MARCHF6: variants seen among roughly 807,000 people sequenced by gnomAD.
The protein encoded by MARCHF6 is membrane associated ring-CH-type finger 6.
Under a neutral mutation model 133.7 loss-of-function variants are expected in MARCHF6, and 31 were observed. The observed-to-expected ratio is 0.23, with a 90% confidence interval of 0.17 to 0.31. The LOEUF is 0.31. Ranked by LOEUF, MARCHF6 falls within the 10% of genes least tolerant of loss-of-function variation. The pLI, the probability that MARCHF6 is intolerant of heterozygous loss-of-function variation, is 1.00. For synonymous variants in MARCHF6, 395 were observed against 402.5 expected (o/e 0.98, Z 0.22); for missense variants, 723 against 1,121.6 (o/e 0.64, Z 5.08).
intron 1 of MARCHF6, among the ~76,000 whole-genome samples, chr5:10,359,540 C>T (rs1735684602): frequency 6.6e-6 from 1 of 152,006 alleles, no homozygotes; most frequent in East Asian, 1.9e-4. Flanking sequence ...TTTGCTCCTT[C>T]TAAGCTACAC....
chr5:10,393,474 CAG>C (rs1237744939), intron 7 of MARCHF6, among the ~76,000 whole-genome samples: 4 of 152,260 alleles, frequency 2.6e-5, no homozygotes, highest in Admixed American at 6.5e-5. Flanking sequence ...GTAATGGTAA[CAG>C]GGGGCCTTTG....
intron 4 of MARCHF6, among the ~76,000 whole-genome samples, chr5:10,383,003 T>A (rs1246810112): frequency 6.6e-6 from 1 of 152,158 alleles, no homozygotes; most frequent in East Asian, 1.9e-4. Flanking sequence ...TGGAGAGAAG[T>A]ACATAGTATA....
chr5:10,377,735 G>A (rs1736878051), intron 1 of MARCHF6, 63 bp from the exon 2 acceptor site: 3 of 1,201,028 alleles, frequency 2.5e-6, no homozygotes, highest in Non-Finnish European at 3.7e-6. Flanking sequence ...GTTTATGCTT[G>A]TTTCTTGCTT....
At chr5:10,425,512 G>T (rs572411018) in intron 23 of MARCHF6, among the ~76,000 whole-genome samples, 81 of 152,358 alleles carry the variant, frequency 5.3e-4, no homozygotes, top group African/African-American at 1.8e-3. Flanking sequence ...GTTGGAAATG[G>T]TTGAGAAACA....
chr5:10,406,920 C>G (rs1261454478), intron 16 of MARCHF6, among the ~76,000 whole-genome samples, 182 bp from the exon 17 acceptor site: 2 of 152,142 alleles, frequency 1.3e-5, no homozygotes, highest in African/African-American at 4.8e-5. Context: ...GAGGGGCAGG[C>G]ATCTTAGGAA....
chr5:10,363,916 T>C (rs1440274024), intron 1 of MARCHF6, among the ~76,000 whole-genome samples: 1 of 152,142 alleles, frequency 6.6e-6, no homozygotes, highest in East Asian at 1.9e-4. Context: ...AATCTATATA[T>C]AGAGAAATTA....
intron 21 of MARCHF6, among the ~76,000 whole-genome samples, 194 bp downstream of exon 21, chr5:10,415,863 C>G (rs140436423): frequency 6.6e-6 from 1 of 152,004 alleles, no homozygotes; most frequent in African/African-American, 2.4e-5. Flanking sequence ...GTCCTACGTT[C>G]AGATATATGA....
In MARCHF6 at chr5:10,415,449, C is replaced by T. The variant is rs2307119; in HGVS notation, c.1967-39C>T. The T allele has an allele frequency of 4.5e-6, 7 of 1,562,210 alleles. No individual in the cohort carries two copies. In the African/African-American group the frequency reaches 9.5e-5, roughly 21 times the overall value. ...ACATGAAGATGACAATTCTCTTTAC[C>T]TAGCCACATGTCTCATTTATCAGCT... On this transcript the variant is annotated intron_variant, in intron 20 of 25. Coordinates refer to ENST00000274140, the MANE Select transcript of MARCHF6 (RefSeq NM_005885.4).
chr5:10,358,231 G>GT (rs1314517672), intron 1 of MARCHF6, among the ~76,000 whole-genome samples: 1 of 152,144 alleles, frequency 6.6e-6, no homozygotes, highest in Non-Finnish European at 1.5e-5. Context: ...CAGTGTAGCT[G>GT]TAACGGAGTA....
At chr5:10,423,186 G>A (rs527334458) in intron 22 of MARCHF6, among the ~76,000 whole-genome samples, 8 of 144,854 alleles carry the variant, frequency 5.5e-5, no homozygotes, top group African/African-American at 1.8e-4. Context: ...GCTGTGGGGA[G>A]GGAGGAAGTA....
At chr5:10,372,351 T>C (rs1277962808) in intron 1 of MARCHF6, among the ~76,000 whole-genome samples, 1 of 152,220 alleles carries the variant, frequency 6.6e-6, no homozygotes, top group African/African-American at 2.4e-5. Context: ...TCAGTAGTTT[T>C]ATAAAATATG....
chr5:10,355,403 A>G (rs1735391881), intron 1 of MARCHF6, among the ~76,000 whole-genome samples: 1 of 152,228 alleles, frequency 6.6e-6, no homozygotes, highest in African/African-American at 2.4e-5. Context: ...CGGACGTATT[A>G]CATTCAATTC....
intron 15 of MARCHF6, 32 bp downstream of exon 15, chr5:10,403,573 A>G (rs558758681): frequency 1.3e-6 from 2 of 1,571,464 alleles, no homozygotes; most frequent in South Asian, 1.2e-5. Flanking sequence ...GATGCTGTAC[A>G]TTTATAAAAA....
intron 6 of MARCHF6, 77 bp from the exon 7 acceptor site, chr5:10,391,465 A>G: frequency 8.2e-5 from 5 of 60,660 alleles, no homozygotes; most frequent in Non-Finnish European, 1.2e-4. Context: ...TTTTTTTTTT[A>G]GCAGGAATAA....
rs1172439105 is a variant in MARCHF6, at chr5:10,378,777, A to G, written c.135A>G (p.Lys45=). The change falls in exon 3 of 26, where the codon AAA becomes AAG. Residue 45 remains lysine (K), a synonymous_variant. Coordinates refer to ENST00000274140, the MANE Select transcript of MARCHF6 (RefSeq NM_005885.4). ...ATTACAGCTTAGTTCAATGGCTGAA[A>G]CACAGTCGAAAAGAATACTGTGAAT... The part of the protein sequence containing the change: ...IHQECLVQWL[K]HSRKEYCELC... The G allele has an allele frequency of 1.2e-6, 2 of 1,607,216 alleles. No individual in the cohort carries two copies. Among genetic ancestry groups the G allele is most frequent in the Admixed American group, 1.7e-5 (1 of 59,612 alleles).
rs1739944717 is a variant in MARCHF6, at chr5:10,423,780, A to T, written c.2329A>T (p.Thr777Ser). Residue 777 changes from threonine (T) to serine (S), a missense_variant, in exon 23 of 26, where the codon ACA (threonine) becomes TCA (serine). Thr to Ser is a moderately conservative substitution (Grantham distance 58). This residue lies in a region of MARCHF6 where 492 missense variants were observed against 699.5 expected (regional missense o/e 0.70). Transcript: ENST00000274140. ...VLHAKIIAAI[T>S]LMGPQWWLKT... ...GCATGCCAAAATCATTGCAGCTATA[A>T]CATTGATGGGTCCTCAGTGGTGGTT... The T allele has an allele frequency of 6.2e-7, 1 of 1,613,628 alleles. No homozygotes were observed. Among genetic ancestry groups the T allele is most frequent in the South Asian group, 1.1e-5 (1 of 91,042 alleles).
At chr5:10,403,084 T>G (rs1579587095) in intron 14 of MARCHF6, among the ~76,000 whole-genome samples, 1 of 152,190 alleles carries the variant, frequency 6.6e-6, no homozygotes, top group African/African-American at 2.4e-5. Context: ...GAGATAACAT[T>G]TACCCTCCCA....
chr5:10,411,025 AGT>A (rs1739198348), intron 18 of MARCHF6, among the ~76,000 whole-genome samples: 1 of 144,898 alleles, frequency 6.9e-6, no homozygotes, highest in Non-Finnish European at 1.5e-5. Context: ...TGTACTTACA[AGT>A]GTACTTGTAA....
chr5:10,383,891 A>G (rs887494623), intron 4 of MARCHF6, among the ~76,000 whole-genome samples: 3 of 152,232 alleles, frequency 2.0e-5, no homozygotes, highest in South Asian at 2.1e-4. Context: ...AAAATTGCTT[A>G]TCTCATTTGT....
Sources: gnomAD v4.1 joint callset for allele counts (sites outside exome capture counted in the v4.1 genomes callset) on GRCh38, gnomAD v4.1.1 for gene constraint, gnomAD v4.1.1 regional missense constraint, MANE v1.5 for transcripts, NCBI Gene and HGNC (gene_info 2026-07-23, HGNC 2026-07-21) for gene names.